MYT1L: variants seen among roughly 807,000 people sequenced by gnomAD.
MYT1L encodes the protein myelin transcription factor 1-like protein.
MYT1L carries 12 observed loss-of-function variants against 126.7 expected under a neutral mutation model. That is an observed-to-expected ratio of 0.09 (90% CI 0.06 to 0.15). The LOEUF is 0.15. Among genes scored for constraint, MYT1L ranks in the 10% least tolerant of loss-of-function variants. The probability of loss-of-function intolerance (pLI) is 1.00; values close to 1 mark genes in which losing one functional copy is unlikely to be tolerated. For missense variants in MYT1L, 979 were observed against 1,585.2 expected, an observed-to-expected ratio of 0.62 and a Z score of 6.49; for synonymous variants, 541 against 604.2, an observed-to-expected ratio of 0.90 and a Z score of 1.53.
chr2:2,144,768 T>C (rs2084621665), intron 3 of MYT1L, among the ~76,000 whole-genome samples: 1 of 152,220 alleles, frequency 6.6e-6, no homozygotes. Flanking sequence ...GCTTTAAATG[T>C]TATTTTTAAT....
chr2:2,255,800 G>T (rs2149249453), intron 2 of MYT1L, among the ~76,000 whole-genome samples: 1 of 152,248 alleles, frequency 6.6e-6, no homozygotes, highest in Non-Finnish European at 1.5e-5. Flanking sequence ...GCCGTTTCTA[G>T]TCCCGCTGCT....
chr2:1,863,344 ATC>A (rs1291436409), intron 18 of MYT1L, among the ~76,000 whole-genome samples: 1 of 152,184 alleles, frequency 6.6e-6, no homozygotes, highest in East Asian at 1.9e-4. Context: ...CCCATCTGGA[ATC>A]TGTTTCAAGA....
chr2:1,936,582 C>T (rs2055918663), intron 9 of MYT1L, among the ~76,000 whole-genome samples: 1 of 152,198 alleles, frequency 6.6e-6, no homozygotes, highest in South Asian at 2.1e-4. Flanking sequence ...GCATACCAAA[C>T]ATATGATCTT....
chr2:1,943,361 G>T lies in MYT1L; in HGVS notation c.153-27C>A. 3 of 1,504,998 alleles carry T rather than the reference G, an allele frequency of 2.0e-6. No individual in the cohort carries two copies. The highest frequency in any genetic ancestry group is 2.7e-6 in the Non-Finnish European group (3 of 1,129,392). The allele number at this position is 1,504,998 out of a possible 1,614,324, so 93.2% of individuals were successfully genotyped here. The stretch of plus-strand genomic sequence containing the variant: ...TAATTAAAAAAATAGAGAAGGCAGG[G>T]GAGAGAGAGAAAAAAAATATCTGTG... On this transcript the variant is annotated intron_variant, in intron 8 of 24. Transcript: ENST00000647738. The surrounding 1 kb of genome is among the most constrained non-coding windows in gnomAD (Gnocchi z 4.4).
chr2:1,816,779 G>C (rs369548355), intron 21 of MYT1L: 7 of 152,868 alleles, frequency 4.6e-5, no homozygotes, highest in African/African-American at 1.7e-4. Flanking sequence ...CCCAGGGGGT[G>C]GCCCTGTCCC....
intron 1 of MYT1L, chr2:2,324,335 G>A (rs1345851701): frequency 6.6e-6 from 1 of 152,222 alleles, no homozygotes; most frequent in Non-Finnish European, 1.5e-5. Flanking sequence ...GACTCACCCA[G>A]AAAATTCTCC....
intron 2 of MYT1L, among the ~76,000 whole-genome samples, chr2:2,207,066 G>A (rs2093348003): frequency 6.6e-6 from 1 of 152,146 alleles, no homozygotes; most frequent in South Asian, 2.1e-4. Context: ...TACATAAGGT[G>A]TCTTTAAACA....
At chr2:2,127,066 A>G (rs569895912) in intron 3 of MYT1L, among the ~76,000 whole-genome samples, 33 of 152,294 alleles carry the variant, frequency 2.2e-4, no homozygotes, top group Non-Finnish European at 4.4e-4. Context: ...TAGTCAACCC[A>G]CCTTTAAATT....
chr2:1,950,589 G>A (rs185780053), intron 8 of MYT1L, among the ~76,000 whole-genome samples: 167 of 152,256 alleles, frequency 1.1e-3, no homozygotes, highest in African/African-American at 3.7e-3. Context: ...AGGCTTCACA[G>A]GGGACCAAGA....
intron 3 of MYT1L, among the ~76,000 whole-genome samples, chr2:2,079,778 C>T (rs1031912768): frequency 1.3e-5 from 2 of 151,036 alleles, no homozygotes; most frequent in Admixed American, 1.3e-4. Flanking sequence ...CGCCACTGCA[C>T]TCCAGCCTGG....
At chr2:2,073,737 A>G (rs1385279990) in intron 3 of MYT1L, among the ~76,000 whole-genome samples, 1 of 151,964 alleles carries the variant, frequency 6.6e-6, no homozygotes, top group African/African-American at 2.4e-5. Flanking sequence ...GGCTCCCTTC[A>G]CCTTCATGTC....
At chr2:2,095,073 C>A (rs2077304310) in intron 3 of MYT1L, among the ~76,000 whole-genome samples, 1 of 152,198 alleles carries the variant, frequency 6.6e-6, no homozygotes, top group Admixed American at 6.5e-5. Context: ...AATGATCAGA[C>A]AATGTAAATG....
chr2:1,912,011 G>A lies in MYT1L; in HGVS notation c.1709+9C>T, dbSNP rs1414213410. On this transcript the variant is annotated intron_variant, in intron 12 of 24. Coordinates refer to ENST00000647738, the MANE Select transcript of MYT1L (RefSeq NM_001303052.2). The surrounding 1 kb of genome is among the most constrained non-coding windows in gnomAD (Gnocchi z 4.3). ...TCCCTCCCACACCAGTGACCCACGC[G>A]TGGCTTACCTTCGGTGGGAGTTCCT... 1.2e-5 allele frequency: 19 copies of A among 1,588,072 alleles called. No individual in the cohort carries two copies. The highest frequency in any genetic ancestry group is 2.7e-5 in the African/African-American group (2 of 74,494).
chr2:1,934,663 GTCTC>G (rs2055579510), intron 9 of MYT1L, among the ~76,000 whole-genome samples: 1 of 148,840 alleles, frequency 6.7e-6, no homozygotes, highest in Non-Finnish European at 1.5e-5. Context: ...CACTGTCTCT[GTCTC>G]TCTGTCTGTC....
At chr2:1,988,711 G>C (rs2061240212) in intron 5 of MYT1L, among the ~76,000 whole-genome samples, 1 of 152,226 alleles carries the variant, frequency 6.6e-6, no homozygotes, top group African/African-American at 2.4e-5. Context: ...TCTTAGGTAA[G>C]AACCTTTTAC....
chr2:1,821,528 A>AC, intron 21 of MYT1L, among the ~76,000 whole-genome samples: 1 of 152,210 alleles, frequency 6.6e-6, no homozygotes. Flanking sequence ...GTTTTTAAAA[A>AC]GATTGCTCCT....
intron 3 of MYT1L, among the ~76,000 whole-genome samples, chr2:2,168,896 G>T (rs181402810): frequency 2.6e-5 from 4 of 152,266 alleles, no homozygotes; most frequent in African/African-American, 9.6e-5. Flanking sequence ...GCAGTTGGTG[G>T]TCTTCACTGG....
chr2:2,293,984 C>T (rs1559577655), intron 1 of MYT1L, among the ~76,000 whole-genome samples: 2 of 152,078 alleles, frequency 1.3e-5, no homozygotes, highest in South Asian at 2.1e-4. Context: ...GGACAGGGCC[C>T]CCCGCTTTCA....
At chr2:2,268,386 A>G (rs763536849) in intron 2 of MYT1L, among the ~76,000 whole-genome samples, 4 of 152,212 alleles carry the variant, frequency 2.6e-5, no homozygotes, top group Non-Finnish European at 5.9e-5. Flanking sequence ...AAGAGAGAAG[A>G]CATGTAAAGT....
Sources: gnomAD v4.1 joint callset for allele counts (sites outside exome capture counted in the v4.1 genomes callset) on GRCh38, gnomAD v4.1.1 for gene constraint, Gnocchi (gnomAD v3.1) non-coding constraint, MANE v1.5 for transcripts, NCBI Gene and HGNC (gene_info 2026-07-23, HGNC 2026-07-21) for gene names.